Variants in TMEM50B observed in about 807,000 individuals in gnomAD.
TMEM50B encodes the protein HCV p7-trans-regulated protein 3.
A neutral mutation model predicts 23.4 loss-of-function variants in TMEM50B; 14 were observed. That is an observed-to-expected ratio of 0.60 (90% CI 0.39 to 0.93). TMEM50B has a LOEUF of 0.93. Among genes scored for constraint, TMEM50B ranks in the 40% least tolerant of loss-of-function variants. The probability of loss-of-function intolerance (pLI) is 0.00; values close to 1 mark genes in which losing one functional copy is unlikely to be tolerated. For synonymous variants in TMEM50B, 64 were observed against 62.3 expected (o/e 1.03, Z -0.13); for missense variants, 159 against 193.0 (o/e 0.82, Z 1.04).
At chr21:33,442,787 G>A (rs752787022) in intron 7 of TMEM50B, among the ~76,000 whole-genome samples, 4 of 152,076 alleles carry the variant, frequency 2.6e-5, no homozygotes, top group Non-Finnish European at 5.9e-5. Flanking sequence ...CAGGCATGAT[G>A]GTGCATGCCT....
At chr21:33,470,451 G>A (rs2084303760) in intron 1 of TMEM50B, among the ~76,000 whole-genome samples, 1 of 101,634 alleles carries the variant, frequency 9.8e-6, no homozygotes, top group Admixed American at 1.0e-4. Context: ...AAAAAAATCG[G>A]CTAGGCTCGG....
At chr21:33,434,427 CAGG>C (rs1273126335) in intron 8 of TMEM50B, among the ~76,000 whole-genome samples, 5 of 152,254 alleles carry the variant, frequency 3.3e-5, no homozygotes, top group African/African-American at 1.2e-4. Context: ...GAGGCTGAGG[CAGG>C]AGAATTGCTT....
chr21:33,455,790 T>C lies in TMEM50B; in HGVS notation c.374-6A>G, dbSNP rs767118010. 5 of 1,612,078 alleles carry C rather than the reference T, an allele frequency of 3.1e-6. No individual in the cohort carries two copies. The highest frequency in any genetic ancestry group is 1.1e-5 in the South Asian group (1 of 91,020). Reference sequence around the variant, plus strand: ...TCCCGGATAAACATCAGTATCTACATACACAAAGTAAAACAGATTAGACGG... The same window carrying C: ...TCCCGGATAAACATCAGTATCTACACACACAAAGTAAAACAGATTAGACGG... On this transcript the variant is annotated splice_region_variant and splice_polypyrimidine_tract_variant and intron_variant, in intron 5 of 6. Coordinates refer to ENST00000542230, the MANE Select transcript of TMEM50B (RefSeq NM_006134.7).
chr21:33,443,593 G>A (rs1163566775), intron 7 of TMEM50B, among the ~76,000 whole-genome samples: 3 of 152,310 alleles, frequency 2.0e-5, no homozygotes, highest in East Asian at 1.9e-4. Flanking sequence ...TAAATGCAAC[G>A]TGTGACCATG....
chr21:33,468,726 G>T, intron 2 of TMEM50B, 61 bp downstream of exon 2: 3 of 1,319,108 alleles, frequency 2.3e-6, no homozygotes, highest in Non-Finnish European at 3.2e-6. Flanking sequence ...AAAGGAACCG[G>T]CATTAATTTC....
At chr21:33,453,302 C>T (rs2084139441) in intron 6 of TMEM50B, among the ~76,000 whole-genome samples, 1 of 152,036 alleles carries the variant, frequency 6.6e-6, no homozygotes, top group Admixed American at 6.6e-5. Context: ...GTTGGCCAGG[C>T]TGGTCTCGAA....
intron 7 of TMEM50B, among the ~76,000 whole-genome samples, chr21:33,443,336 C>CA (rs2084023808): frequency 6.7e-6 from 1 of 149,308 alleles, no homozygotes; most frequent in African/African-American, 2.5e-5. Context: ...AGACACTTCT[C>CA]AAGTGGCCAG....
intron 5 of TMEM50B, 153 bp from the exon 6 acceptor site, chr21:33,455,937 A>C (rs2084164808): frequency 1.4e-6 from 1 of 711,472 alleles, no homozygotes; most frequent in Admixed American, 2.2e-5. Context: ...TGAAAGAAGA[A>C]AATGCCAATT....
chr21:33,476,197 CA>C (rs986326774), intron 1 of TMEM50B, among the ~76,000 whole-genome samples: 2 of 152,016 alleles, frequency 1.3e-5, no homozygotes, highest in African/African-American at 4.8e-5. Flanking sequence ...AGTTCAAGAC[CA>C]GCCTGACAAA....
intron 7 of TMEM50B, among the ~76,000 whole-genome samples, chr21:33,442,011 ATTTG>A (rs1333742717): frequency 3.1e-5 from 3 of 96,072 alleles, no homozygotes; most frequent in South Asian, 3.2e-4. Context: ...AGGGTTTTTT[ATTTG>A]TTTGCTTGTT....
At chr21:33,460,351 A>G in intron 5 of TMEM50B, 62 bp downstream of exon 5, 1 of 1,042,060 alleles carries the variant, frequency 9.6e-7, no homozygotes, top group Non-Finnish European at 1.5e-6. Flanking sequence ...AGGTAGAGTA[A>G]GCCAAATATA....
intron 1 of TMEM50B, among the ~76,000 whole-genome samples, chr21:33,478,061 G>A (rs1464604386): frequency 6.6e-6 from 1 of 151,082 alleles, no homozygotes; most frequent in African/African-American, 2.4e-5. Flanking sequence ...CGTGAACCCA[G>A]GACGTGGAGC....
intron 5 of TMEM50B, among the ~76,000 whole-genome samples, chr21:33,456,398 G>A (rs2084168940): frequency 6.6e-6 from 1 of 152,114 alleles, no homozygotes; most frequent in South Asian, 2.1e-4. Flanking sequence ...AAATATGTCA[G>A]ATATAAATAA....
chr21:33,454,909 G>C (rs181777261), intron 6 of TMEM50B, among the ~76,000 whole-genome samples: 20 of 152,106 alleles, frequency 1.3e-4, no homozygotes, highest in African/African-American at 4.8e-4. Context: ...CTGAGCTCAG[G>C]AGTTCGAGAC....
chr21:33,432,796 C>T (rs1172524430), exon 9 of TMEM50B: 1 of 1,613,908 alleles, frequency 6.2e-7, no homozygotes, highest in Admixed American at 1.7e-5. Flanking sequence ...CCTGTTTCTT[C>T]CTGGTCCTGA....
chr21:33,442,598 A>T (rs2084017443), intron 7 of TMEM50B, among the ~76,000 whole-genome samples: 1 of 152,070 alleles, frequency 6.6e-6, no homozygotes, highest in Non-Finnish European at 1.5e-5. Flanking sequence ...GTTACTTTAC[A>T]TCCATATACC....
intron 4 of TMEM50B, among the ~76,000 whole-genome samples, chr21:33,464,613 G>A (rs183899196): frequency 1.3e-3 from 200 of 149,946 alleles, no homozygotes; most frequent in Middle Eastern, 3.4e-3. Flanking sequence ...CGAGACCAGC[G>A]TGATCAACAT....
intron 2 of TMEM50B, 43 bp from the exon 3 acceptor site, chr21:33,467,165 T>TA: frequency 6.7e-7 from 1 of 1,496,724 alleles, no homozygotes; most frequent in Admixed American, 1.7e-5. Flanking sequence ...AAACTCTTGC[T>TA]AGCACAATAC....
chr21:33,457,430 G>A (rs1479795532), intron 5 of TMEM50B, among the ~76,000 whole-genome samples: 2 of 151,450 alleles, frequency 1.3e-5, no homozygotes, highest in Admixed American at 6.6e-5. Context: ...TGGGTAGATC[G>A]TCTGAGATCA....
Sources: gnomAD v4.1 joint callset for allele counts (sites outside exome capture counted in the v4.1 genomes callset) on GRCh38, gnomAD v4.1.1 for gene constraint, MANE v1.5 for transcripts, NCBI Gene and HGNC (gene_info 2026-07-23, HGNC 2026-07-21) for gene names.